Variants in C10orf88 observed in about 807,000 individuals in gnomAD.
C10orf88 encodes chromosome 10 open reading frame 88, also known as ATPase PAAT.
C10orf88 carries 29 observed loss-of-function variants against 34.2 expected under a neutral mutation model. The observed-to-expected ratio is 0.85, with a 90% CI of 0.63 to 1.16. The LOEUF (loss-of-function observed/expected upper bound fraction) is 1.16, where lower values mean the gene tolerates loss of function less well. Ranked by LOEUF, C10orf88 falls within the 50% of genes most tolerant of loss-of-function variation. C10orf88 has a pLI of 0.00. For synonymous variants in C10orf88, 194 were observed against 197.4 expected (o/e 0.98, Z 0.15); for missense variants, 507 against 533.2 (o/e 0.95, Z 0.48).
In C10orf88 at chr10:122,931,700, A is replaced by T. The variant is rs965578873; in HGVS notation, c.*727T>A. On this transcript the variant is annotated 3_prime_UTR_variant, in exon 6 of 6. Coordinates refer to ENST00000481909, the MANE Select transcript of C10orf88 (RefSeq NM_024942.4). ...GCCAGAAAAGGATTCTGGGGAAAAA[A>T]CCTGTATCAGCTCAAAAGGAGAGGT... 2.6e-5 allele frequency: 4 copies of T among 152,104 alleles called. No individual in the cohort carries two copies. The highest frequency in any genetic ancestry group is 9.7e-5 in the African/African-American group (4 of 41,420). The allele number at this position is 152,104 out of a possible 1,614,324, so 9.4% of individuals were successfully genotyped here. A position where few individuals can be genotyped will look rare whatever the true frequency, so the allele number is the denominator to read the frequency against.
intron 3 of C10orf88, among the ~76,000 whole-genome samples, chr10:122,950,644 AT>A (rs1848681603): frequency 6.6e-6 from 1 of 152,126 alleles, no homozygotes; most frequent in Non-Finnish European, 1.5e-5. Context: ...TATAGTATTT[AT>A]TTTACTCATT....
At chr10:122,949,079 A>C (rs570800922) in intron 3 of C10orf88, among the ~76,000 whole-genome samples, 2 of 152,264 alleles carry the variant, frequency 1.3e-5, no homozygotes, top group South Asian at 4.1e-4. Context: ...AAAAATTAAG[A>C]CTTCATGTAA....
chr10:122,949,607 C>T (rs150127293), intron 3 of C10orf88, among the ~76,000 whole-genome samples: 23 of 152,288 alleles, frequency 1.5e-4, no homozygotes, highest in African/African-American at 4.1e-4. Flanking sequence ...GATCACACTA[C>T]GCTGAATGAA....
intron 1 of C10orf88, 62 bp from the exon 2 acceptor site, chr10:122,953,094 T>C (rs1383014013): frequency 4.4e-6 from 6 of 1,361,406 alleles, no homozygotes; most frequent in Admixed American, 1.9e-5. Context: ...CTCTTCTTTT[T>C]TGAGACGGAG....
intron 4 of C10orf88, among the ~76,000 whole-genome samples, chr10:122,945,080 G>GTA (rs1283491232): frequency 3.1e-4 from 46 of 150,580 alleles, no homozygotes; most frequent in Admixed American, 4.7e-4. Flanking sequence ...GTATATATAC[G>GTA]TATATATATA....
Position 122,952,924 on chromosome 10 carries a change from G to A in C10orf88, c.273C>T (p.Gly91=). Residue 91 remains glycine (G), a synonymous_variant, in exon 2 of 6, where the codon GGC becomes GGT. Coordinates refer to ENST00000481909, the MANE Select transcript of C10orf88 (RefSeq NM_024942.4). ...PDGGEEIASI[G]ILSSARNMEV... ...CCATATTTCTTGCTGAACTTAAAAT[G>A]CCAATAGAAGCGATTTCTTCACCTC... 1.2e-6 allele frequency: 2 copies of A among 1,614,066 alleles called. No homozygotes were observed. The highest frequency in any genetic ancestry group is 1.7e-6 in the Non-Finnish European group (2 of 1,179,968).
intron 4 of C10orf88, among the ~76,000 whole-genome samples, chr10:122,948,161 T>G (rs529854875): frequency 6.6e-6 from 1 of 152,194 alleles, no homozygotes; most frequent in Non-Finnish European, 1.5e-5. Context: ...ATTTCCCAGC[T>G]ATATCAAATT....
intron 4 of C10orf88, among the ~76,000 whole-genome samples, chr10:122,945,040 G>GTATA (rs1375209113): frequency 1.2e-3 from 180 of 149,972 alleles, no homozygotes; most frequent in African/African-American, 4.1e-3. Context: ...GTATATATGT[G>GTATA]TATATATATA....
intron 5 of C10orf88, among the ~76,000 whole-genome samples, chr10:122,935,449 T>C (rs1848526005): frequency 6.6e-6 from 1 of 152,032 alleles, no homozygotes; most frequent in African/African-American, 2.4e-5. Context: ...AAACGTCAGT[T>C]GGTGTACTTG....
chr10:122,950,133 T>TGGTTTGTTGGTTCAGTTCTGG (rs1564723127), intron 3 of C10orf88, among the ~76,000 whole-genome samples: 3 of 152,238 alleles, frequency 2.0e-5, no homozygotes, highest in African/African-American at 7.2e-5. Flanking sequence ...TAAGTTTAAC[T>TGGTTTGTTGGTTCAGTTCTGG]TACGACTCTG....
intron 4 of C10orf88, among the ~76,000 whole-genome samples, chr10:122,944,946 G>A (rs1011755031): frequency 1.3e-5 from 2 of 151,168 alleles, no homozygotes; most frequent in African/African-American, 4.9e-5. Flanking sequence ...ACTCCCTGAG[G>A]ATCTCCAAGA....
chr10:122,943,859 A>G (rs1419373404), intron 4 of C10orf88, among the ~76,000 whole-genome samples: 3 of 152,258 alleles, frequency 2.0e-5, no homozygotes, highest in African/African-American at 7.2e-5. Flanking sequence ...GGCAATCATT[A>G]AAAAGTCAGG....
chr10:122,943,885 G>A (rs74830424), intron 4 of C10orf88, among the ~76,000 whole-genome samples: 1 of 152,152 alleles, frequency 6.6e-6, no homozygotes, highest in African/African-American at 2.4e-5. Flanking sequence ...GCAGGTGCTG[G>A]AGAGAATGTG....
Position 122,953,028 on chromosome 10 carries a change from C to A in C10orf88, c.169G>T (p.Asp57Tyr), listed in dbSNP as rs775038368. 8.7e-6 allele frequency: 14 copies of A among 1,610,044 alleles called. No homozygotes were observed. Among genetic ancestry groups the A allele is most frequent in the Middle Eastern group, 1.6e-4 (1 of 6,080 alleles). Residue 57 changes from aspartate (D) to tyrosine (Y), a missense_variant, in exon 2 of 6, where the codon GAT becomes TAT. By Grantham distance (160) the Asp-to-Tyr change is radical. Transcript: ENST00000481909. ...ELLAPPAPGQ[D>Y]LVILKRNHNN... is the part of the protein sequence containing the mutation. ...TGGTTTCTCTTCAAAATCACCAGAT[C>A]CTGACTGAGAAGAAAATTGGTGAAA...
chr10:122,953,060 C>T (rs767739931), intron 1 of C10orf88, 28 bp from the exon 2 acceptor site: 4 of 1,532,366 alleles, frequency 2.6e-6, no homozygotes, highest in African/African-American at 2.7e-5. Context: ...GAAAACATCA[C>T]ACAGTATAGT....
intron 4 of C10orf88, among the ~76,000 whole-genome samples, chr10:122,948,233 T>C (rs981967306): frequency 1.3e-5 from 2 of 152,206 alleles, no homozygotes; most frequent in African/African-American, 2.4e-5. Context: ...CTTCCAAATT[T>C]ACTTGTCTAA....
rs1407895109 is a variant in C10orf88, at chr10:122,954,064, C to G, written c.115G>C (p.Gly39Arg). The part of the protein sequence containing the change: ...HSLLLTRAGL[G>R]PGDFDWEELL... The stretch of plus-strand genomic sequence containing the variant: ...TCCTCCCAGTCGAAGTCACCGGGGC[C>G]GAGACCGGCCCGGGTGAGGAGGAGG... The change falls in exon 1 of 6, where the codon GGC becomes CGC. Residue 39 changes from glycine to arginine, a missense_variant. Physicochemically the swap from Gly to Arg is moderately radical, Grantham distance 125. Coordinates refer to ENST00000481909, the MANE Select transcript of C10orf88 (RefSeq NM_024942.4). 1 of 1,549,488 alleles carries G rather than the reference C, an allele frequency of 6.5e-7. No homozygotes were observed. Among genetic ancestry groups the G allele is most frequent in the Non-Finnish European group, 8.7e-7 (1 of 1,150,762 alleles).
intron 4 of C10orf88, among the ~76,000 whole-genome samples, chr10:122,942,872 A>G (rs1754679871): frequency 7.0e-5 from 10 of 143,006 alleles, no homozygotes; most frequent in African/African-American, 2.6e-4. Flanking sequence ...AGGAAATAAA[A>G]GAGGATACAA....
chr10:122,931,270 T>C lies in C10orf88; in HGVS notation c.*1157A>G, dbSNP rs925534964. 5 of 152,168 alleles carry C rather than the reference T, an allele frequency of 3.3e-5. No individual in the cohort carries two copies. The highest frequency in any genetic ancestry group is 5.9e-5 in the Non-Finnish European group (4 of 68,024). The allele number at this position is 152,168 out of a possible 1,614,324, so 9.4% of individuals were successfully genotyped here. ...GCTATCGTGGTTGTAACCAGTCTCC[T>C]CTGGACTGGTTACAAAAGGAACTTT... On this transcript the variant is annotated 3_prime_UTR_variant, in exon 6 of 6. Coordinates refer to ENST00000481909, the MANE Select transcript of C10orf88 (RefSeq NM_024942.4).
Sources: gnomAD v4.1 joint callset for allele counts (sites outside exome capture counted in the v4.1 genomes callset) on GRCh38, gnomAD v4.1.1 for gene constraint, MANE v1.5 for transcripts, NCBI Gene and HGNC (gene_info 2026-07-23, HGNC 2026-07-21) for gene names.